The following PPFIBP1 variants were observed in gnomAD, a reference collection of about 807,000 sequenced individuals.
PPFIBP1 encodes the protein liprin-beta-1.
Under a neutral mutation model 137.8 loss-of-function variants are expected in PPFIBP1, and 112 were observed. The observed-to-expected ratio is 0.81, with a 90% confidence interval of 0.70 to 0.95. PPFIBP1 has a LOEUF of 0.95. PPFIBP1 is among the 40% of genes least tolerant of loss of function. The pLI, the probability that PPFIBP1 is intolerant of heterozygous loss-of-function variation, is 0.00. For missense variants in PPFIBP1, 1,083 were observed against 1,196.6 expected, an observed-to-expected ratio of 0.91 and a Z score of 1.40; for synonymous variants, 378 against 417.3, an observed-to-expected ratio of 0.91 and a Z score of 1.15.
At chr12:27,599,081 G>A (rs1312658283) in intron 2 of PPFIBP1, among the ~76,000 whole-genome samples, 1 of 152,214 alleles carries the variant, frequency 6.6e-6, no homozygotes, top group Non-Finnish European at 1.5e-5. Flanking sequence ...AGAGTAGGAA[G>A]TTTCTAATTT....
At chr12:27,633,959 C>T (rs1347181934) in intron 3 of PPFIBP1, among the ~76,000 whole-genome samples, 1 of 151,114 alleles carries the variant, frequency 6.6e-6, no homozygotes, top group Non-Finnish European at 1.5e-5. Flanking sequence ...GCCTCAGCCT[C>T]CCAAGTAGCT....
At chr12:27,544,667 A>T (rs1470442318) in intron 1 of PPFIBP1, among the ~76,000 whole-genome samples, 2 of 152,236 alleles carry the variant, frequency 1.3e-5, no homozygotes, top group African/African-American at 4.8e-5. Context: ...ATCATTAGAG[A>T]AATGCAAATG....
In PPFIBP1 at chr12:27,654,761, A is replaced by G. The variant is rs753216666; in HGVS notation, c.643A>G (p.Ser215Gly). ...QEINDLRLKV[S>G]EMDSERLQYE... ...GATCAATGATTTGAGGTTAAAAGTT[A>G]GTGAAATGGACAGTGAGAGACTTCA... is the stretch of plus-strand genomic sequence containing the variant. Residue 215 changes from serine to glycine, a missense_variant, in exon 8 of 30, where the codon AGT becomes GGT. Physicochemically the swap from Ser to Gly is moderately conservative, Grantham distance 56. Transcript: ENST00000228425. 11 of 1,611,944 alleles carry G rather than the reference A, an allele frequency of 6.8e-6. No homozygotes were observed. The South Asian group carries it at 1.2e-4, about 18-fold the overall frequency.
chr12:27,653,151 C>G (rs1459759061), intron 7 of PPFIBP1, among the ~76,000 whole-genome samples: 2 of 152,140 alleles, frequency 1.3e-5, no homozygotes, highest in Non-Finnish European at 2.9e-5. Flanking sequence ...AATCATTACA[C>G]TTGGAAGCTT....
chr12:27,657,745 A>T (rs894919304), intron 9 of PPFIBP1, among the ~76,000 whole-genome samples: 1 of 152,022 alleles, frequency 6.6e-6, no homozygotes, highest in Admixed American at 6.6e-5. Flanking sequence ...ACTGTTTGGC[A>T]TATATATAAT....
chr12:27,592,527 C>A, intron 2 of PPFIBP1: 1 of 1,236,708 alleles, frequency 8.1e-7, no homozygotes. Flanking sequence ...AGAATCGTTT[C>A]CTTGGTGCTG....
At chr12:27,664,493 G>T in intron 12 of PPFIBP1, 47 bp downstream of exon 12, 1 of 1,311,942 alleles carries the variant, frequency 7.6e-7, no homozygotes, top group East Asian at 2.4e-5. Context: ...GACTCTAAGT[G>T]GCTATAAACT....
chr12:27,550,989 A>ATT (rs1392939186), intron 1 of PPFIBP1, among the ~76,000 whole-genome samples: 2 of 89,864 alleles, frequency 2.2e-5, no homozygotes, highest in Non-Finnish European at 4.7e-5. Flanking sequence ...ATATATATAT[A>ATT]TATTTTTTTT....
intron 24 of PPFIBP1, among the ~76,000 whole-genome samples, chr12:27,683,106 C>A (rs575458428): frequency 6.6e-6 from 1 of 152,258 alleles, no homozygotes; most frequent in African/African-American, 2.4e-5. Context: ...CTCTGTCACC[C>A]AGGCTGGAGT....
At position 27,628,471 on chromosome 12, in the gene PPFIBP1, G is replaced by A. The variant is rs1461151638; in HGVS notation, c.-35-4891G>A. 2.0e-5 allele frequency among the ~76,000 whole-genome samples: 3 copies of A among 152,316 alleles called. No homozygotes were observed. The East Asian group carries it at 5.8e-4, about 29-fold the overall frequency. ...TGGGATTACAGGTGTGAGTCACTGTGCTTGGCCTTGGATGGTGAAGTTGTA... is the reference window on the plus strand; with the variant it reads ...TGGGATTACAGGTGTGAGTCACTGTACTTGGCCTTGGATGGTGAAGTTGTA... On this transcript the variant is annotated intron_variant, in intron 2 of 29. Coordinates refer to ENST00000228425, the MANE Select transcript of PPFIBP1 (RefSeq NM_003622.4).
At chr12:27,660,435 A>G (rs1385115306) in intron 10 of PPFIBP1, among the ~76,000 whole-genome samples, 2 of 152,210 alleles carry the variant, frequency 1.3e-5, no homozygotes, top group East Asian at 1.9e-4. Flanking sequence ...ACTACAAGCC[A>G]TCAGGCACTT....
At chr12:27,527,287 C>T (rs949150061) in intron 1 of PPFIBP1, among the ~76,000 whole-genome samples, 5 of 151,892 alleles carry the variant, frequency 3.3e-5, no homozygotes, top group South Asian at 4.2e-4. Context: ...CTCGCTCTGC[C>T]GCCCTGGATG....
intron 5 of PPFIBP1, among the ~76,000 whole-genome samples, chr12:27,647,419 C>G (rs1232883549): frequency 6.6e-6 from 1 of 152,148 alleles, no homozygotes; most frequent in African/African-American, 2.4e-5. Context: ...CTCCACGCTG[C>G]CCCCTAAAAA....
chr12:27,577,141 C>G (rs2050637025), intron 1 of PPFIBP1, among the ~76,000 whole-genome samples: 1 of 152,052 alleles, frequency 6.6e-6, no homozygotes, highest in Admixed American at 6.5e-5. Flanking sequence ...AATCCACACC[C>G]CCATTCATTC....
chr12:27,655,108 T>G (rs886587659), intron 8 of PPFIBP1: 1 of 1,413,704 alleles, frequency 7.1e-7, no homozygotes, highest in African/African-American at 1.4e-5. Flanking sequence ...TTTTTCTATC[T>G]GTAGTTTTCT....
At chr12:27,666,348 C>T (rs2059854523) in intron 12 of PPFIBP1, among the ~76,000 whole-genome samples, 2 of 152,186 alleles carry the variant, frequency 1.3e-5, no homozygotes, top group African/African-American at 4.8e-5. Context: ...AATCCTCATA[C>T]AATTCTAATA....
At chr12:27,574,066 T>C (rs2050362235) in intron 1 of PPFIBP1, among the ~76,000 whole-genome samples, 1 of 152,042 alleles carries the variant, frequency 6.6e-6, no homozygotes, top group Non-Finnish European at 1.5e-5. Context: ...TTTAGTGCTA[T>C]GTTTTCTCTC....
chr12:27,536,123 T>G, intron 1 of PPFIBP1, among the ~76,000 whole-genome samples: 1 of 152,342 alleles, frequency 6.6e-6, no homozygotes, highest in Middle Eastern at 3.4e-3. Flanking sequence ...GCCTGCTTAC[T>G]CAGTTGTATT....
At position 27,682,668 on chromosome 12, in the gene PPFIBP1, CGG is replaced by C. The variant is rs766977366; in HGVS notation, c.2214_2215del (p.Val739Ter). The C allele has an allele frequency of 1.9e-6, 3 of 1,614,028 alleles. No homozygotes were observed. The highest frequency in any genetic ancestry group is 2.5e-6 in the Non-Finnish European group (3 of 1,180,004). ...ATATAAGACCCAGTTTGATGAAGGACGGGTTGATGGTCGAATGCTACATTACA... is the reference window on the plus strand; with the variant it reads ...ATATAAGACCCAGTTTGATGAAGGACGTTGATGGTCGAATGCTACATTACA... The part of the protein sequence containing the change: ...PQYKTQFDEG[R>X]VDGRMLHYMT... On this transcript the variant is annotated frameshift_variant, in exon 24 of 30. Transcript: ENST00000228425. LOFTEE classifies it high-confidence loss of function.
Sources: allele counts gnomAD v4.1 joint callset (sites outside exome capture counted in the v4.1 genomes callset), GRCh38; gene constraint gnomAD v4.1.1; transcripts MANE v1.5; gene names NCBI Gene and HGNC (gene_info 2026-07-23, HGNC 2026-07-21).